Variants in DLEC1 observed in about 807,000 individuals in gnomAD.
DLEC1 encodes the protein DLEC1 cilia and flagella associated protein, also known as deleted in lung and esophageal cancer protein 1.
In DLEC1, 146 loss-of-function variants were observed where a neutral mutation model predicts 198.1. That is an observed-to-expected ratio of 0.74 (90% CI 0.64 to 0.85). The LOEUF (loss-of-function observed/expected upper bound fraction) is 0.85, where lower values mean the gene tolerates loss of function less well. Among genes scored for constraint, DLEC1 ranks in the 40% least tolerant of loss-of-function variants. The pLI, the probability that DLEC1 is intolerant of heterozygous loss-of-function variation, is 0.00. For synonymous variants in DLEC1, 897 were observed against 866.8 expected, an observed-to-expected ratio of 1.03 and a Z score of -0.61; for missense variants, 2,233 against 2,220.0, an observed-to-expected ratio of 1.01 and a Z score of -0.12.
At chr3:38,067,846 G>A (rs555295707) in intron 6 of DLEC1, among the ~76,000 whole-genome samples, 1 of 147,688 alleles carries the variant, frequency 6.8e-6, no homozygotes, top group Admixed American at 7.0e-5. Flanking sequence ...TCTGCCTCTT[G>A]GGTTCAAGCA....
Position 38,122,483 on chromosome 3 carries a change from C to A in DLEC1, c.*71C>A, listed in dbSNP as rs568570106. On this transcript the variant is annotated 3_prime_UTR_variant, in exon 37 of 37. Coordinates refer to ENST00000308059, the MANE Select transcript of DLEC1 (RefSeq NM_007335.4). The stretch of plus-strand genomic sequence containing the variant: ...CATTGCCCAGGGATTAGGAGCAGCT[C>A]TTCAGCACAAAGACACAGACTTGGG... The A allele has an allele frequency of 8.4e-5, 135 of 1,613,442 alleles. No individual in the cohort carries two copies. The South Asian group carries it at 1.1e-3, about 13-fold the overall frequency.
intron 6 of DLEC1, among the ~76,000 whole-genome samples, chr3:38,077,010 T>A (rs138194976): frequency 6.6e-6 from 1 of 152,090 alleles, no homozygotes; most frequent in East Asian, 1.9e-4. Context: ...TTGTATGAAT[T>A]GAAAAACTAA....
chr3:38,109,700 C>A, intron 22 of DLEC1, 138 bp downstream of exon 22: 1 of 1,386,886 alleles, frequency 7.2e-7, no homozygotes, highest in Non-Finnish European at 9.8e-7. Flanking sequence ...AGTGTTATTG[C>A]GGCCACTCAC....
At chr3:38,053,015 C>G (rs1473149451) in intron 2 of DLEC1, among the ~76,000 whole-genome samples, 1 of 152,240 alleles carries the variant, frequency 6.6e-6, no homozygotes, top group African/African-American at 2.4e-5. Context: ...TGGTCTCCAG[C>G]TCCTAACCGC....
At chr3:38,054,035 T>A (rs535760759) in intron 2 of DLEC1, among the ~76,000 whole-genome samples, 4 of 152,078 alleles carry the variant, frequency 2.6e-5, no homozygotes, top group Non-Finnish European at 5.9e-5. Context: ...TAATCTCAAG[T>A]ACCCAGGGAC....
At chr3:38,091,437 C>T (rs998617998) in intron 10 of DLEC1, among the ~76,000 whole-genome samples, 8 of 152,150 alleles carry the variant, frequency 5.3e-5, no homozygotes, top group African/African-American at 1.9e-4. Flanking sequence ...GCACTCCAGC[C>T]TGGGTGACAG....
intron 2 of DLEC1, among the ~76,000 whole-genome samples, chr3:38,056,060 AATACACACACAC>A: frequency 9.0e-6 from 1 of 111,414 alleles, no homozygotes; most frequent in South Asian, 2.9e-4. Flanking sequence ...CTCTACAAAA[AATACACACACAC>A]ACACACACAC....
chr3:38,114,635 G>A (rs563558833), intron 26 of DLEC1, among the ~76,000 whole-genome samples, 175 bp downstream of exon 26: 17 of 152,306 alleles, frequency 1.1e-4, no homozygotes, highest in South Asian at 2.1e-4. Context: ...CTCAGGGGAC[G>A]TGGCCACCAC....
chr3:38,120,341 G>T, intron 33 of DLEC1, 107 bp from the exon 34 acceptor site: 1 of 1,330,974 alleles, frequency 7.5e-7, no homozygotes, highest in Non-Finnish European at 1.1e-6. Flanking sequence ...CTGGGCTGTT[G>T]GCTGGGCAAG....
chr3:38,073,434 G>T (rs1697432699), intron 6 of DLEC1, among the ~76,000 whole-genome samples: 1 of 152,124 alleles, frequency 6.6e-6, no homozygotes, highest in Non-Finnish European at 1.5e-5. Context: ...GGGTAAGGGT[G>T]ATTAGGTTTT....
At chr3:38,058,745 A>G (rs190568019) in intron 2 of DLEC1, among the ~76,000 whole-genome samples, 1 of 152,018 alleles carries the variant, frequency 6.6e-6, no homozygotes, top group Non-Finnish European at 1.5e-5. Context: ...TAATGTGTCT[A>G]TGTAGGTTCT....
chr3:38,071,994 G>A (rs1034835696), intron 6 of DLEC1, among the ~76,000 whole-genome samples: 1 of 152,220 alleles, frequency 6.6e-6, no homozygotes, highest in African/African-American at 2.4e-5. Context: ...AGCATAGCCT[G>A]CCTTTGCTGG....
At chr3:38,054,558 C>T (rs957558312) in intron 2 of DLEC1, among the ~76,000 whole-genome samples, 1 of 152,138 alleles carries the variant, frequency 6.6e-6, no homozygotes, top group African/African-American at 2.4e-5. Flanking sequence ...ATGTCATGGC[C>T]GATGCATGCT....
intron 9 of DLEC1, 44 bp downstream of exon 9, chr3:38,086,421 C>A: frequency 6.4e-7 from 1 of 1,571,262 alleles, no homozygotes; most frequent in Non-Finnish European, 8.6e-7. Context: ...ACAAGTCCAT[C>A]AAAGGAAATA....
At chr3:38,094,702 T>C (rs73825494) in intron 12 of DLEC1, among the ~76,000 whole-genome samples, 177 bp from the exon 13 acceptor site, 3,067 of 152,124 alleles carry the variant, frequency 0.02, 96 homozygotes, top group African/African-American at 0.069. Context: ...CCTCGCCCAC[T>C]TGCTGCCCCT....
chr3:38,111,651 C>A, intron 23 of DLEC1, 26 bp from the exon 24 acceptor site: 1 of 1,609,204 alleles, frequency 6.2e-7, no homozygotes, highest in Non-Finnish European at 8.5e-7. Context: ...TGACTTGATA[C>A]TATTTCTGTG....
At chr3:38,117,455 G>A (rs1470319420) in intron 31 of DLEC1, 72 bp from the exon 32 acceptor site, 1 of 1,608,430 alleles carries the variant, frequency 6.2e-7, no homozygotes, top group South Asian at 1.1e-5. Context: ...CCCGAGGCTG[G>A]ATGAGCAGAG....
At chr3:38,062,828 C>T (rs1331915549) in intron 5 of DLEC1, 27 bp downstream of exon 5, 4 of 1,608,972 alleles carry the variant, frequency 2.5e-6, no homozygotes, top group Non-Finnish European at 3.4e-6. Context: ...CTTGAACTCT[C>T]AGAAAACCTG....
chr3:38,088,656 C>T (rs78949738), intron 10 of DLEC1, among the ~76,000 whole-genome samples: 288 of 152,318 alleles, frequency 1.9e-3, no homozygotes, highest in African/African-American at 6.7e-3. Flanking sequence ...GAGCTACCTC[C>T]ACCAATGTCC....
Sources: gnomAD v4.1 joint callset for allele counts (sites outside exome capture counted in the v4.1 genomes callset) on GRCh38, gnomAD v4.1.1 for gene constraint, MANE v1.5 for transcripts, NCBI Gene and HGNC (gene_info 2026-07-23, HGNC 2026-07-21) for gene names.